MVB12B: variants seen among roughly 807,000 people sequenced by gnomAD.
MVB12B encodes the protein ESCRT-I complex subunit MVB12B.
A neutral mutation model predicts 41.6 loss-of-function variants in MVB12B; 16 were observed. That is an observed-to-expected ratio of 0.38 (90% CI 0.26 to 0.58). MVB12B has a LOEUF of 0.58. Among genes scored for constraint, MVB12B ranks in the 20% least tolerant of loss-of-function variants. The probability of loss-of-function intolerance (pLI) is 0.62; values close to 1 mark genes in which losing one functional copy is unlikely to be tolerated. For synonymous variants in MVB12B, 133 were observed against 139.7 expected (o/e 0.95, Z 0.34); for missense variants, 274 against 380.2 (o/e 0.72, Z 2.32).
chr9:126,377,377 G>A (rs1329657151), intron 2 of MVB12B, among the ~76,000 whole-genome samples: 1 of 152,194 alleles, frequency 6.6e-6, no homozygotes, highest in Non-Finnish European at 1.5e-5. Flanking sequence ...GTTGTCTTGG[G>A]AACAAGGCAG....
rs567698643 is a variant in MVB12B at position 126,497,823 on chromosome 9, G to A, written c.874-5354G>A. Among the ~76,000 whole-genome samples, 24 of 152,376 alleles carry A rather than the reference G, an allele frequency of 1.6e-4. No individual in the cohort carries two copies. The South Asian group carries it at 5.0e-3, about 32-fold the overall frequency. ...AGCAAGGACTTCAGCTGGCCCTGCA[G>A]CTGCTGGAAGAAGACGTGCAGGGTT... On this transcript the variant is annotated intron_variant, in intron 9 of 9. Coordinates refer to ENST00000361171, the MANE Select transcript of MVB12B (RefSeq NM_033446.3).
At chr9:126,439,271 G>C (rs1229052388) in intron 7 of MVB12B, among the ~76,000 whole-genome samples, 1 of 151,598 alleles carries the variant, frequency 6.6e-6, no homozygotes, top group East Asian at 2.0e-4. Context: ...GGGTCCGCTG[G>C]GGGTGGGGGC....
rs1832665312 is a variant in MVB12B, at chr9:126,442,516, A to G, written c.757+20568A>G. Among the ~76,000 whole-genome samples the G allele has an allele frequency of 3.3e-5, 5 of 152,174 alleles. No individual in the cohort carries two copies. In the South Asian group the frequency reaches 6.2e-4, roughly 19 times the overall value. The stretch of plus-strand genomic sequence containing the variant: ...GTAACAAACACCCCTCCAGATCACA[A>G]TGGCTTACAGTTTCACTGTTTTGTA... On this transcript the variant is annotated intron_variant, in intron 7 of 9. Coordinates refer to ENST00000361171, the MANE Select transcript of MVB12B (RefSeq NM_033446.3).
rs886705007 is a variant in MVB12B, at chr9:126,473,450, A to G, written c.758-7919A>G. ...CTGAGACTGGGTAATTTATAAGAAA[A>G]GGTTTAATTGACTCATGGTTCTGCA... On this transcript the variant is annotated intron_variant, in intron 7 of 9. Coordinates refer to ENST00000361171, the MANE Select transcript of MVB12B (RefSeq NM_033446.3). The surrounding 1 kb of genome is among the most constrained non-coding windows in gnomAD (Gnocchi z 4.0). Among the ~76,000 whole-genome samples, 1 of 152,236 alleles carries G rather than the reference A, an allele frequency of 6.6e-6. No individual in the cohort carries two copies. The highest frequency in any genetic ancestry group is 2.4e-5 in the African/African-American group (1 of 41,450).
At chr9:126,330,135 C>T (rs141343708) in intron 1 of MVB12B, among the ~76,000 whole-genome samples, 86 of 152,236 alleles carry the variant, frequency 5.6e-4, no homozygotes, top group South Asian at 1.9e-3. Flanking sequence ...TTACTTGACA[C>T]GCTTCTGGCG....
intron 9 of MVB12B, among the ~76,000 whole-genome samples, chr9:126,502,382 C>T (rs1357851257): frequency 6.6e-6 from 1 of 152,104 alleles, no homozygotes; most frequent in Non-Finnish European, 1.5e-5. Flanking sequence ...TGCTCCTAGC[C>T]CCCTCAGAGG....
At chr9:126,403,551 C>G (rs1831327618) in intron 6 of MVB12B, among the ~76,000 whole-genome samples, 1 of 152,256 alleles carries the variant, frequency 6.6e-6, no homozygotes, top group African/African-American at 2.4e-5. Flanking sequence ...TTGCTGCTTA[C>G]TGATGACAGA....
intron 7 of MVB12B, among the ~76,000 whole-genome samples, chr9:126,475,254 G>A (rs1022558432): frequency 1.4e-4 from 22 of 152,082 alleles, no homozygotes; most frequent in African/African-American, 3.6e-4. Flanking sequence ...CCCATCAGGC[G>A]TGCATTAGAT....
chr9:126,407,623 C>T (rs1190486196), intron 6 of MVB12B, among the ~76,000 whole-genome samples: 5 of 152,062 alleles, frequency 3.3e-5, no homozygotes, highest in Non-Finnish European at 7.4e-5. Flanking sequence ...ACTACCCCAC[C>T]CCCACCGACG....
intron 2 of MVB12B, among the ~76,000 whole-genome samples, chr9:126,354,105 A>G (rs761852578): frequency 6.6e-5 from 10 of 152,168 alleles, no homozygotes; most frequent in Non-Finnish European, 1.0e-4. Context: ...GCATCTTTTC[A>G]TGTTTCTTGG....
In MVB12B at chr9:126,504,804, G is replaced by A. The variant is rs1834033314; in HGVS notation, c.*1541G>A. On this transcript the variant is annotated 3_prime_UTR_variant, in exon 10 of 10. Coordinates refer to ENST00000361171, the MANE Select transcript of MVB12B (RefSeq NM_033446.3). ...CACTTCTCCCTCCCTGAGACCCGAGGATGCCCCTGGTGGGGGTGGCCTTCT... is the reference window on the plus strand; with the variant it reads ...CACTTCTCCCTCCCTGAGACCCGAGAATGCCCCTGGTGGGGGTGGCCTTCT... The A allele has an allele frequency of 6.6e-6, 1 of 152,574 alleles. No homozygotes were observed. The highest frequency in any genetic ancestry group is 1.5e-5 in the Non-Finnish European group (1 of 68,126). 9.5% of individuals were successfully genotyped at this position (152,574 alleles called of 1,614,324 possible).
At chr9:126,492,936 G>A (rs1010077840) in intron 9 of MVB12B, among the ~76,000 whole-genome samples, 4 of 152,150 alleles carry the variant, frequency 2.6e-5, no homozygotes, top group Admixed American at 1.3e-4. Context: ...TCTTCTGCTC[G>A]CTCTCTGCTC....
intron 2 of MVB12B, among the ~76,000 whole-genome samples, chr9:126,360,504 G>A (rs752215608): frequency 3.9e-5 from 6 of 152,158 alleles, no homozygotes; most frequent in East Asian, 1.9e-4. Context: ...AGTGTGATCC[G>A]TCCTAGTGAA....
intron 6 of MVB12B, among the ~76,000 whole-genome samples, chr9:126,398,183 C>T (rs1039201599): frequency 1.3e-5 from 2 of 151,956 alleles, no homozygotes; most frequent in African/African-American, 2.4e-5. Flanking sequence ...CTGGGCTGGG[C>T]CTGTGCTGGG....
intron 2 of MVB12B, among the ~76,000 whole-genome samples, chr9:126,375,302 C>G (rs571074720): frequency 1.3e-5 from 2 of 149,066 alleles, no homozygotes; most frequent in Admixed American, 6.7e-5. Flanking sequence ...AGGAGTTGTC[C>G]GGGTGCCTAT....
chr9:126,357,584 C>G (rs1043892699), intron 2 of MVB12B, among the ~76,000 whole-genome samples: 53 of 151,290 alleles, frequency 3.5e-4, no homozygotes, highest in African/African-American at 1.3e-3. Flanking sequence ...TTGCATTTCT[C>G]TAACAAGTAA....
At chr9:126,422,978 G>A (rs1832068781) in intron 7 of MVB12B, among the ~76,000 whole-genome samples, 1 of 152,176 alleles carries the variant, frequency 6.6e-6, no homozygotes, top group Non-Finnish European at 1.5e-5. Context: ...GCAGGAGCCA[G>A]GCTCTCCAAG....
At chr9:126,398,628 T>C (rs1238276491) in intron 6 of MVB12B, among the ~76,000 whole-genome samples, 2 of 152,206 alleles carry the variant, frequency 1.3e-5, no homozygotes, top group Admixed American at 1.3e-4. Context: ...TTGTGTGGCG[T>C]GGATCGGGCC....
At chr9:126,349,720 G>A (rs1829696044) in intron 2 of MVB12B, among the ~76,000 whole-genome samples, 1 of 152,174 alleles carries the variant, frequency 6.6e-6, no homozygotes, top group South Asian at 2.1e-4. Context: ...AGTATTCCAT[G>A]GTTTGGATAT....
Sources: allele counts gnomAD v4.1 joint callset (sites outside exome capture counted in the v4.1 genomes callset), GRCh38; gene constraint gnomAD v4.1.1; non-coding constraint Gnocchi (gnomAD v3.1); transcripts MANE v1.5; gene names NCBI Gene and HGNC (gene_info 2026-07-23, HGNC 2026-07-21).